NBDY: variants seen among roughly 807,000 people sequenced by gnomAD.
NBDY encodes negative regulator of P-body association, also known as P-body dissociating protein.
chrX:56,793,505 C>G (rs2069774858), intron 2 of NBDY, among the ~76,000 whole-genome samples: 1 of 110,438 alleles, frequency 9.1e-6, no homozygotes, highest in East Asian at 2.9e-4. Context: ...TCTCCTTCCT[C>G]TTTACTTTTT....
Position 56,817,346 on chromosome X carries a change from A to T in NBDY, c.*193A>T, listed in dbSNP as rs766890283. ...CTTATGATGTAATCAGCGCGATTTC[A>T]CTTCCTGAATTTCGATGAATTCTAA... On this transcript the variant is annotated 3_prime_UTR_variant, in exon 3 of 3. Coordinates refer to ENST00000374922, the MANE Select transcript of NBDY (RefSeq NM_001348129.2). 8.9e-6 allele frequency: 1 copy of T among 111,914 alleles called. No individual in the cohort carries two copies. The highest frequency in any genetic ancestry group is 1.9e-5 in the Non-Finnish European group (1 of 53,162). The allele number at this position is 111,914 out of a possible 1,213,427, so 9.2% of individuals were successfully genotyped here. A position where few individuals can be genotyped will look rare whatever the true frequency, so the allele number is the denominator to read the frequency against.
At chrX:56,805,558 G>A (rs897488287) in intron 2 of NBDY, among the ~76,000 whole-genome samples, 1 of 111,932 alleles carries the variant, frequency 8.9e-6, no homozygotes, top group Non-Finnish European at 1.9e-5. Flanking sequence ...TCCAATATTT[G>A]CTGGCAGAGG....
intron 2 of NBDY, among the ~76,000 whole-genome samples, chrX:56,792,612 A>C (rs868001607): frequency 1.8e-5 from 2 of 110,789 alleles, no homozygotes; most frequent in African/African-American, 3.3e-5. Context: ...CACACACACA[A>C]ACACACACAA....
At chrX:56,753,519 G>C (rs1338270410) in intron 2 of NBDY, among the ~76,000 whole-genome samples, 1 of 111,690 alleles carries the variant, frequency 9.0e-6, no homozygotes, top group Non-Finnish European at 1.9e-5. Context: ...ATATAGATGA[G>C]AGTTGAAGCC....
At chrX:56,783,572 T>C (rs1347240825) in intron 2 of NBDY, among the ~76,000 whole-genome samples, 1 of 112,121 alleles carries the variant, frequency 8.9e-6, no homozygotes, top group Non-Finnish European at 1.9e-5. Flanking sequence ...TCCAAGCGGT[T>C]CCAATGGCAG....
intron 2 of NBDY, among the ~76,000 whole-genome samples, chrX:56,798,515 C>T (rs2069805195): frequency 8.9e-6 from 1 of 111,820 alleles, no homozygotes; most frequent in South Asian, 3.8e-4. Flanking sequence ...TCTGCCCGTT[C>T]TGGTGACCTC....
intron 2 of NBDY, among the ~76,000 whole-genome samples, chrX:56,764,529 C>G (rs2069655457): frequency 9.1e-6 from 1 of 110,056 alleles, no homozygotes; most frequent in African/African-American, 3.3e-5. Flanking sequence ...AGTCTAAGCA[C>G]ATCCTCGCTG....
intron 2 of NBDY, among the ~76,000 whole-genome samples, chrX:56,748,051 T>G (rs2069565679): frequency 9.0e-6 from 1 of 111,460 alleles, no homozygotes; most frequent in African/African-American, 3.3e-5. Flanking sequence ...TTAAATTTAT[T>G]CAGGGAGACC....
At chrX:56,797,252 C>G (rs2069797186) in intron 2 of NBDY, among the ~76,000 whole-genome samples, 1 of 104,508 alleles carries the variant, frequency 9.6e-6, no homozygotes, top group Non-Finnish European at 2.0e-5. Context: ...CTCTTTTTGC[C>G]TTCTTTTTCT....
At chrX:56,810,279 A>T (rs2069879222) in intron 2 of NBDY, among the ~76,000 whole-genome samples, 1 of 110,943 alleles carries the variant, frequency 9.0e-6, no homozygotes, top group African/African-American at 3.3e-5. Flanking sequence ...TATTTCCTGA[A>T]TTTCAATGTT....
At chrX:56,741,781 A>T (rs921221610) in intron 2 of NBDY, among the ~76,000 whole-genome samples, 1 of 111,017 alleles carries the variant, frequency 9.0e-6, no homozygotes, top group African/African-American at 3.3e-5. Context: ...ATTTTCTCCC[A>T]TTGCACCTAT....
chrX:56,786,409 C>A (rs1239648589), intron 2 of NBDY, among the ~76,000 whole-genome samples: 1 of 111,927 alleles, frequency 8.9e-6, no homozygotes, highest in Non-Finnish European at 1.9e-5. Context: ...GAACTAGATC[C>A]TTCAGGACAG....
At chrX:56,757,051 A>G (rs946476850) in intron 2 of NBDY, among the ~76,000 whole-genome samples, 4 of 112,740 alleles carry the variant, frequency 3.5e-5, no homozygotes, top group Non-Finnish European at 5.6e-5. Context: ...TTAAACTGTA[A>G]TAACAACGAT....
intron 2 of NBDY, among the ~76,000 whole-genome samples, chrX:56,737,906 A>G (rs1051335598): frequency 5.4e-5 from 6 of 111,346 alleles, no homozygotes; most frequent in African/African-American, 1.6e-4. Flanking sequence ...TCCTTCTCCT[A>G]TTTGACAGTA....
At chrX:56,783,804 A>G (rs1258573233) in intron 2 of NBDY, among the ~76,000 whole-genome samples, 2 of 112,504 alleles carry the variant, frequency 1.8e-5, no homozygotes, top group African/African-American at 6.5e-5. Context: ...GTCTTTCTCC[A>G]TTTGTTGCGA....
rs1189603483 is a variant in NBDY, at chrX:56,781,355, C to T, written c.*167-35965C>T. 5.4e-5 allele frequency among the ~76,000 whole-genome samples: 6 copies of T among 111,856 alleles called. No homozygotes were observed. In the Admixed American group the frequency reaches 5.7e-4, roughly 11 times the overall value. On this transcript the variant is annotated intron_variant, in intron 2 of 2. Transcript: ENST00000374922. ...TTTCTCTCTGCCTTCCCAATATTTG[C>T]TGATGGAGTGTGCGGGATGGGGTTG...
rs1211417863 is a variant in NBDY, at chrX:56,782,959, G to A, written c.*167-34361G>A. Among the ~76,000 whole-genome samples, 7 of 112,002 alleles carry A rather than the reference G, an allele frequency of 6.2e-5. No homozygotes were observed. In the East Asian group the frequency reaches 1.7e-3, roughly 27 times the overall value. Reference sequence around the variant, plus strand: ...ACACACACATTAAACACGCCTAAGCGGACACACACACAGATACACACAGAC... The same window carrying A: ...ACACACACATTAAACACGCCTAAGCAGACACACACACAGATACACACAGAC... On this transcript the variant is annotated intron_variant, in intron 2 of 2. Coordinates refer to ENST00000374922, the MANE Select transcript of NBDY (RefSeq NM_001348129.2).
rs995412068 is a variant in NBDY, at chrX:56,788,296, G to A, written c.*167-29024G>A. Among the ~76,000 whole-genome samples, 4 of 112,967 alleles carry A rather than the reference G, an allele frequency of 3.5e-5. No individual in the cohort carries two copies. The East Asian group carries it at 1.1e-3, about 32-fold the overall frequency. ...AGAGACCATCAGCTTAGAGAAGCAA[G>A]GTTATGGTTGTAGTTGGCATTTGTG... On this transcript the variant is annotated intron_variant, in intron 2 of 2. Coordinates refer to ENST00000374922, the MANE Select transcript of NBDY (RefSeq NM_001348129.2).
At chrX:56,803,801 CAACAAAACAA>C (rs770422241) in intron 2 of NBDY, among the ~76,000 whole-genome samples, 1 of 111,703 alleles carries the variant, frequency 9.0e-6, no homozygotes, top group Admixed American at 9.5e-5. Context: ...CTTTTGCTTC[CAACAAAACAA>C]AACAAAACAA....
Sources: allele counts gnomAD v4.1 joint callset (sites outside exome capture counted in the v4.1 genomes callset), GRCh38; gene constraint gnomAD v4.1.1; transcripts MANE v1.5; gene names NCBI Gene and HGNC (gene_info 2026-07-23, HGNC 2026-07-21).